SCRG1: variants seen among roughly 807,000 people sequenced by gnomAD.
SCRG1 encodes the protein scrapie-responsive protein 1.
SCRG1 carries 3 observed loss-of-function variants against 7.7 expected under a neutral mutation model. The observed-to-expected ratio is 0.39, with a 90% confidence interval of 0.18 to 1.01. SCRG1 has a LOEUF of 1.01. Among genes scored for constraint, SCRG1 ranks in the 50% least tolerant of loss-of-function variants. The pLI is 0.36. For missense variants in SCRG1, 110 were observed against 117.2 expected, an observed-to-expected ratio of 0.94 and a Z score of 0.28; for synonymous variants, 46 against 41.2, an observed-to-expected ratio of 1.12 and a Z score of -0.44.
At chr4:173,405,391 T>A (rs138979214) in intron 1 of SCRG1, among the ~76,000 whole-genome samples, 37 of 152,324 alleles carry the variant, frequency 2.4e-4, no homozygotes, top group African/African-American at 8.7e-4. Flanking sequence ...TTCAATCACC[T>A]GGCTCAAGTC....
upstream of SCRG1, among the ~76,000 whole-genome samples, chr4:173,410,582 A>C (rs1414269745): frequency 6.6e-6 from 1 of 152,232 alleles, no homozygotes; most frequent in Non-Finnish European, 1.5e-5. Context: ...AGGTTCCTTA[A>C]GAAAGAGAAA....
chr4:173,512,716 A>T, the SCRG1 span, among the ~76,000 whole-genome samples: 4 of 152,172 alleles, frequency 2.6e-5, no homozygotes, highest in Admixed American at 1.3e-4. Flanking sequence ...TTTTCCTACA[A>T]GATGTGTCCT....
the SCRG1 span, among the ~76,000 whole-genome samples, chr4:173,417,562 T>C: frequency 6.6e-6 from 1 of 152,186 alleles, no homozygotes; most frequent in African/African-American, 2.4e-5. Flanking sequence ...CCTCATGATC[T>C]CATTTCTTCT....
At chr4:173,450,750 C>T in the SCRG1 span, among the ~76,000 whole-genome samples, 2 of 152,224 alleles carry the variant, frequency 1.3e-5, no homozygotes, top group Non-Finnish European at 2.9e-5. Context: ...CTTATCAGCT[C>T]TTCTTTGAGA....
upstream of SCRG1, among the ~76,000 whole-genome samples, chr4:173,410,490 A>G (rs576583223): frequency 1.3e-5 from 2 of 152,348 alleles, 1 homozygote; most frequent in South Asian, 4.1e-4. Flanking sequence ...CTGTTAATGG[A>G]CTGGTCACAT....
At chr4:173,493,451 A>G in the SCRG1 span, among the ~76,000 whole-genome samples, 12 of 152,130 alleles carry the variant, frequency 7.9e-5, no homozygotes, top group East Asian at 2.3e-3. Context: ...CTTGCCTGCC[A>G]GTCATCTTCC....
the SCRG1 span, among the ~76,000 whole-genome samples, chr4:173,449,307 G>A: frequency 6.6e-6 from 1 of 152,140 alleles, no homozygotes; most frequent in East Asian, 1.9e-4. Flanking sequence ...CCTGAGATTT[G>A]TCACTGTCAT....
At chr4:173,402,220 G>GAAA (rs1739780323), upstream of SCRG1, among the ~76,000 whole-genome samples, 1 of 152,106 alleles carries the variant, frequency 6.6e-6, no homozygotes, top group Non-Finnish European at 1.5e-5. Flanking sequence ...AATATGTCCA[G>GAAA]CTATGTATTT....
chr4:173,402,326 T>C (rs1411033757), upstream of SCRG1, among the ~76,000 whole-genome samples: 3 of 152,078 alleles, frequency 2.0e-5, no homozygotes, highest in Non-Finnish European at 4.4e-5. Flanking sequence ...TTGTTAGAAA[T>C]AGAAAATCCT....
At chr4:173,444,781 A>T in the SCRG1 span, among the ~76,000 whole-genome samples, 1 of 152,146 alleles carries the variant, frequency 6.6e-6, no homozygotes, top group East Asian at 1.9e-4. Context: ...TGGTGGGAGC[A>T]GGCATTTTGC....
At chr4:173,401,651 T>G (rs1417224046), upstream of SCRG1, among the ~76,000 whole-genome samples, 1 of 152,228 alleles carries the variant, frequency 6.6e-6, no homozygotes, top group Non-Finnish European at 1.5e-5. Flanking sequence ...GCATTGTGCT[T>G]ATGAATGCTG....
chr4:173,479,805 A>T, the SCRG1 span, among the ~76,000 whole-genome samples: 1 of 151,632 alleles, frequency 6.6e-6, no homozygotes, highest in Non-Finnish European at 1.5e-5. Flanking sequence ...CCAAATTATC[A>T]CCCCAGGATG....
At chr4:173,506,780 T>G in the SCRG1 span, among the ~76,000 whole-genome samples, 3 of 152,230 alleles carry the variant, frequency 2.0e-5, no homozygotes, top group South Asian at 6.2e-4. This position sits in a 1 kb window ranked among gnomAD's most constrained non-coding sequence, Gnocchi z 5.3. Flanking sequence ...CGCGAGGTTT[T>G]CCAGCAGCTC....
chr4:173,434,962 G>T, the SCRG1 span, among the ~76,000 whole-genome samples: 3 of 152,158 alleles, frequency 2.0e-5, no homozygotes, highest in Non-Finnish European at 2.9e-5. Context: ...AGGGGTTCAG[G>T]CTGGGGTCTT....
chr4:173,445,460 T>C, the SCRG1 span, among the ~76,000 whole-genome samples: 1 of 151,470 alleles, frequency 6.6e-6, no homozygotes, highest in Non-Finnish European at 1.5e-5. Context: ...CAGGCGCCTG[T>C]AATCCCAGCT....
the SCRG1 span, among the ~76,000 whole-genome samples, chr4:173,508,946 T>C: frequency 2.6e-5 from 4 of 152,272 alleles, no homozygotes; most frequent in South Asian, 8.3e-4. This position sits in a 1 kb window ranked among gnomAD's most constrained non-coding sequence, Gnocchi z 4.4. Context: ...CAGGGCCGGG[T>C]GCCGAGGCGA....
chr4:173,508,448 C>T, the SCRG1 span, among the ~76,000 whole-genome samples: 2 of 152,134 alleles, frequency 1.3e-5, no homozygotes, highest in African/African-American at 2.4e-5. The surrounding 1 kb of genome is among the most constrained non-coding windows in gnomAD (Gnocchi z 4.4). Flanking sequence ...CCTCCCAGCA[C>T]GCCCCACCAC....
the SCRG1 span, among the ~76,000 whole-genome samples, chr4:173,456,259 C>T: frequency 6.6e-6 from 1 of 152,150 alleles, no homozygotes; most frequent in Non-Finnish European, 1.5e-5. Flanking sequence ...TGTGAAACCC[C>T]TACAACTTTG....
chr4:173,391,182 C>G lies in SCRG1; in HGVS notation c.233G>C (p.Cys78Ser). 6.2e-7 allele frequency: 1 copy of G among 1,614,104 alleles called. No individual in the cohort carries two copies. Among genetic ancestry groups the G allele is most frequent in the Non-Finnish European group, 8.5e-7 (1 of 1,180,006 alleles). The change falls in exon 2 of 3, where the codon TGC (cysteine) becomes TCC (serine). Residue 78 changes from cysteine (C) to serine (S), a missense_variant. Coordinates refer to ENST00000296506, the MANE Select transcript of SCRG1 (RefSeq NM_007281.4). Reference protein sequence around the residue: ...ICYCNFSELLCCPKDVFFGPK... With the variant: ...ICYCNFSELLSCPKDVFFGPK... ...GATACCATTTCCTTACTTTGGGCAG[C>G]AGAGCAATTCGCTGAAGTTGCAGTA...
Sources: gnomAD v4.1 joint callset for allele counts (sites outside exome capture counted in the v4.1 genomes callset) on GRCh38, gnomAD v4.1.1 for gene constraint, Gnocchi (gnomAD v3.1) non-coding constraint, MANE v1.5 for transcripts, NCBI Gene and HGNC (gene_info 2026-07-23, HGNC 2026-07-21) for gene names.